The following COL18A1 variants were observed in gnomAD, a reference collection of about 807,000 sequenced individuals.
COL18A1 encodes collagen alpha-1(XVIII) chain.
A neutral mutation model predicts 168.0 loss-of-function variants in COL18A1; 133 were observed. That is an observed-to-expected ratio of 0.79 (90% CI 0.69 to 0.91). The LOEUF (loss-of-function observed/expected upper bound fraction) is 0.91, where lower values mean the gene tolerates loss of function less well. Among genes scored for constraint, COL18A1 ranks in the 40% least tolerant of loss-of-function variants. The pLI, the probability that COL18A1 is intolerant of heterozygous loss-of-function variation, is 0.00. For missense variants in COL18A1, 2,126 were observed against 1,925.4 expected (o/e 1.10, Z -1.95); for synonymous variants, 949 against 809.0 (o/e 1.17, Z -2.94).
chr21:45,504,285 A>C (rs564033423), intron 33 of COL18A1, 131 bp from the exon 34 acceptor site: 1 of 978,738 alleles, frequency 1.0e-6, no homozygotes, highest in African/African-American at 1.6e-5. Flanking sequence ...GCCCTATTCT[A>C]TGCAGCCAGC....
At chr21:45,470,035 G>A (rs1015698277) in intron 3 of COL18A1, among the ~76,000 whole-genome samples, 2 of 152,202 alleles carry the variant, frequency 1.3e-5, no homozygotes, top group African/African-American at 4.8e-5. Context: ...CACAAGTGCC[G>A]TACATCTTTA....
At chr21:45,491,856 C>T (rs2036365279) in intron 22 of COL18A1, among the ~76,000 whole-genome samples, 1 of 152,208 alleles carries the variant, frequency 6.6e-6, no homozygotes, top group Non-Finnish European at 1.5e-5. Flanking sequence ...CCAAGCCCCA[C>T]TCTGGGCAGG....
intron 2 of COL18A1, among the ~76,000 whole-genome samples, chr21:45,426,147 C>G (rs930873798): frequency 6.6e-6 from 1 of 152,140 alleles, no homozygotes. Flanking sequence ...CTCTGTCGCC[C>G]AGGGTGGACT....
chr21:45,478,026 G>T (rs1484227858), intron 8 of COL18A1, 61 bp downstream of exon 8: 3 of 949,638 alleles, frequency 3.2e-6, no homozygotes, highest in Non-Finnish European at 4.9e-6. Flanking sequence ...TGGGTAGGAG[G>T]GGGAGAGGCT....
chr21:45,476,626 G>T, intron 6 of COL18A1, 146 bp downstream of exon 6: 1 of 1,037,890 alleles, frequency 9.6e-7, no homozygotes, highest in Non-Finnish European at 1.4e-6. Context: ...GATATGGCAC[G>T]TGTTTGTGTG....
rs756453942 is a variant in COL18A1, at chr21:45,476,327, G to C, written c.799-24G>C. ...CGGGCATCTGCCGGCCGAATAACAG[G>C]CCACCTCCCCTCTCGTCCTCCAGGG... On this transcript the variant is annotated intron_variant, in intron 5 of 41. Transcript: ENST00000651438. The C allele has an allele frequency of 3.7e-6, 6 of 1,613,564 alleles. No homozygotes were observed. The East Asian group carries it at 1.3e-4, about 36-fold the overall frequency.
rs749626 is a variant in COL18A1 at position 45,493,396 on chromosome 21, C to G, written c.2278-105C>G. On this transcript the variant is annotated intron_variant, in intron 25 of 41. Transcript: ENST00000651438. ...CTGTGGTCACCTCCCGTGAAAGGAC[C>G]CAGCCTGCGAGGCCCAGTCACAGCG... 295,180 of 1,297,226 alleles carry G rather than the reference C, an allele frequency of 0.23. 35,482 individuals are homozygous for G. The highest frequency in any genetic ancestry group is 0.37 in the African/African-American group (25,123 of 67,936). The allele number at this position is 1,297,226 out of a possible 1,614,324, so 80.4% of individuals were successfully genotyped here.
intron 41 of COL18A1, among the ~76,000 whole-genome samples, 154 bp from the exon 42 acceptor site, chr21:45,512,034 G>A (rs571374998): frequency 6.6e-6 from 1 of 152,138 alleles, no homozygotes; most frequent in African/African-American, 2.4e-5. Flanking sequence ...CAGCCAGCAG[G>A]GAGGCCATGT....
chr21:45,442,122 C>A (rs1006653436), intron 2 of COL18A1, among the ~76,000 whole-genome samples: 1 of 152,352 alleles, frequency 6.6e-6, no homozygotes, highest in South Asian at 2.1e-4. Context: ...CGGCTGTGCC[C>A]TTGAGTGGGT....
rs1012861278 is a variant in COL18A1, at chr21:45,496,695, G to A, written c.2577+127G>A. 6.9e-6 allele frequency: 5 copies of A among 727,868 alleles called. No individual in the cohort carries two copies. In the African/African-American group the frequency reaches 7.0e-5, roughly 10 times the overall value. The allele number at this position is 727,868 out of a possible 1,614,324, so 45.1% of individuals were successfully genotyped here. ...GGGTCCTTCTAGGATGTGCCAGTCT[G>A]GTGGGCAGTGGATTAGCAGCTGAGT... On this transcript the variant is annotated intron_variant, in intron 30 of 41. Coordinates refer to ENST00000651438, the MANE Select transcript of COL18A1 (RefSeq NM_001379500.1).
intron 2 of COL18A1, chr21:45,408,651 A>G (rs1177683788): frequency 6.6e-6 from 1 of 151,284 alleles, no homozygotes; most frequent in East Asian, 1.9e-4. Context: ...CACCCTCCCC[A>G]GCCCCCGCTG....
intron 2 of COL18A1, among the ~76,000 whole-genome samples, chr21:45,411,561 T>G (rs2033289528): frequency 6.6e-6 from 1 of 151,706 alleles, no homozygotes; most frequent in Non-Finnish European, 1.5e-5. Flanking sequence ...ACGCCCACAG[T>G]CTGGAGGGCC....
In COL18A1 at chr21:45,461,052, G is replaced by A. The variant is rs372088542; in HGVS notation, c.107-7190G>A. Among the ~76,000 whole-genome samples, 10 of 152,264 alleles carry A rather than the reference G, an allele frequency of 6.6e-5. No individual in the cohort carries two copies. In the East Asian group the frequency reaches 9.6e-4, roughly 15 times the overall value. On this transcript the variant is annotated intron_variant, in intron 2 of 41. Transcript: ENST00000651438. ...ACATCTATCACTTCAACCAGTTACC[G>A]TTGTGAGTGTGGTGAGAAAACTTAA...
chr21:45,467,465 G>A (rs960686734), intron 2 of COL18A1: 10 of 981,952 alleles, frequency 1.0e-5, no homozygotes, highest in South Asian at 9.4e-5. Flanking sequence ...TTGTGGCCCC[G>A]AGGGGAATCA....
At chr21:45,489,388 A>C in intron 18 of COL18A1, 98 bp from the exon 19 acceptor site, 1 of 903,344 alleles carries the variant, frequency 1.1e-6, no homozygotes, top group East Asian at 2.6e-5. Context: ...GGTGAGATGC[A>C]TCCTGGGTAA....
intron 32 of COL18A1, among the ~76,000 whole-genome samples, chr21:45,503,646 GGA>G (rs1052151223): frequency 2.7e-5 from 3 of 111,632 alleles, no homozygotes; most frequent in Non-Finnish European, 5.3e-5. Context: ...TGGGGTGGGG[GGA>G]GGGGGGAGGG....
Position 45,471,596 on chromosome 21 carries a change from A to G in COL18A1, c.652-2299A>G, listed in dbSNP as rs1227230814. On this transcript the variant is annotated intron_variant, in intron 3 of 41. Coordinates refer to ENST00000651438, the MANE Select transcript of COL18A1 (RefSeq NM_001379500.1). This position sits in a 1 kb window ranked among gnomAD's most constrained non-coding sequence, Gnocchi z 4.4. The stretch of plus-strand genomic sequence containing the variant: ...GAGCATTGGTTGTGTTCCTCGTCCT[A>G]AGAGTCCTTGGGCGTTGTTGGTCTT... Among the ~76,000 whole-genome samples the G allele has an allele frequency of 6.6e-6, 1 of 152,050 alleles. No homozygotes were observed. The highest frequency in any genetic ancestry group is 1.5e-5 in the Non-Finnish European group (1 of 67,998).
intron 13 of COL18A1, among the ~76,000 whole-genome samples, chr21:45,481,399 T>C (rs2035888833): frequency 6.6e-6 from 1 of 152,106 alleles, no homozygotes; most frequent in African/African-American, 2.4e-5. Context: ...GTGGCTGCTG[T>C]AATTGGGTCA....
intron 2 of COL18A1, among the ~76,000 whole-genome samples, chr21:45,431,424 A>C (rs1426176149): frequency 1.6e-4 from 7 of 44,634 alleles, no homozygotes; most frequent in African/African-American, 3.0e-4. Flanking sequence ...GGCCCAGGGG[A>C]GGTGGGCAGG....
Sources: gnomAD v4.1 joint callset for allele counts (sites outside exome capture counted in the v4.1 genomes callset) on GRCh38, gnomAD v4.1.1 for gene constraint, Gnocchi (gnomAD v3.1) non-coding constraint, MANE v1.5 for transcripts, NCBI Gene and HGNC (gene_info 2026-07-23, HGNC 2026-07-21) for gene names.